Variants in CAMTA1 observed in about 807,000 individuals in gnomAD.
The protein encoded by CAMTA1 is calmodulin-binding transcription activator 1.
In CAMTA1, 27 loss-of-function variants were observed where a neutral mutation model predicts 170.9. That is an observed-to-expected ratio of 0.16 (90% CI 0.12 to 0.22). The LOEUF (loss-of-function observed/expected upper bound fraction) is 0.22. Among genes scored for constraint, CAMTA1 ranks in the 10% least tolerant of loss-of-function variants. The pLI is 1.00. For missense variants in CAMTA1, 1,619 were observed against 2,217.2 expected (o/e 0.73, Z 5.42); for synonymous variants, 833 against 891.5 (o/e 0.93, Z 1.17).
chr1:7,416,958 T>C (rs1380521764), intron 5 of CAMTA1, among the ~76,000 whole-genome samples: 1 of 152,218 alleles, frequency 6.6e-6, no homozygotes, highest in African/African-American at 2.4e-5. Context: ...CCTTTCTGTT[T>C]GTTAGTTTTC....
intron 5 of CAMTA1, among the ~76,000 whole-genome samples, chr1:7,420,992 G>A (rs1390565554): frequency 1.3e-5 from 2 of 152,136 alleles, no homozygotes; most frequent in Non-Finnish European, 2.9e-5. Context: ...GGCCTCCCTG[G>A]GATGAAAGTC....
Position 7,171,845 on chromosome 1 carries a change from T to C in CAMTA1, c.303-77646T>C, listed in dbSNP as rs556312238. 5.3e-5 allele frequency among the ~76,000 whole-genome samples: 8 copies of C among 152,308 alleles called. No individual in the cohort carries two copies. In the South Asian group the frequency reaches 1.7e-3, roughly 32 times the overall value. ...GGATTTGCCTGTTCTGGATGTTTCATAGAAATGGAATCATATAATATGTGA... is the reference window on the plus strand; with the variant it reads ...GGATTTGCCTGTTCTGGATGTTTCACAGAAATGGAATCATATAATATGTGA... On this transcript the variant is annotated intron_variant, in intron 4 of 22. Coordinates refer to ENST00000303635, the MANE Select transcript of CAMTA1 (RefSeq NM_015215.4).
intron 5 of CAMTA1, among the ~76,000 whole-genome samples, chr1:7,262,455 AG>A (rs1472565997): frequency 7.2e-5 from 11 of 152,158 alleles, no homozygotes; most frequent in Non-Finnish European, 1.3e-4. Flanking sequence ...CCAGCTACTC[AG>A]GAGGCTGAGG....
At chr1:7,344,748 C>CTTTTTTT (rs70984076) in intron 5 of CAMTA1, among the ~76,000 whole-genome samples, 1 of 142,592 alleles carries the variant, frequency 7.0e-6, no homozygotes, top group Non-Finnish European at 1.5e-5. Context: ...CTGCTCAAGT[C>CTTTTTTT]TTTTTTTTTT....
At chr1:7,241,138 A>G (rs1216619272) in intron 4 of CAMTA1, among the ~76,000 whole-genome samples, 3 of 152,250 alleles carry the variant, frequency 2.0e-5, no homozygotes, top group Non-Finnish European at 4.4e-5. Context: ...TTGTATTTCT[A>G]TATAGTACAA....
Position 7,065,858 on chromosome 1 carries a change from G to A in CAMTA1, c.235-25446G>A, listed in dbSNP as rs1708892066. 6.6e-6 allele frequency among the ~76,000 whole-genome samples: 1 copy of A among 152,186 alleles called. No homozygotes were observed. The highest frequency in any genetic ancestry group is 1.5e-5 in the Non-Finnish European group (1 of 68,032). On this transcript the variant is annotated intron_variant, in intron 3 of 22. Transcript: ENST00000303635. The surrounding 1 kb of genome is among the most constrained non-coding windows in gnomAD (Gnocchi z 5.2). ...GCATGTTTATCTATTCCCTTACATT[G>A]TGAAAGAGTAAAGCAGTCTTAAGAC... is the stretch of plus-strand genomic sequence containing the variant.
In CAMTA1 at chr1:7,269,685, G is replaced by T. The variant is rs544167186; in HGVS notation, c.438+20059G>T. Among the ~76,000 whole-genome samples, 110 of 152,176 alleles carry T rather than the reference G, an allele frequency of 7.2e-4. 1 individual carries two copies. Among genetic ancestry groups the T allele is most frequent in the Non-Finnish European group, 1.3e-3 (86 of 68,014 alleles). On this transcript the variant is annotated intron_variant, in intron 5 of 22. Transcript: ENST00000303635. ...AAACTGAAGCACTCAGAGAAGAAAGGTAGGGGGAAAAATAATAGAGTGTGG... is the reference window on the plus strand; with the variant it reads ...AAACTGAAGCACTCAGAGAAGAAAGTTAGGGGGAAAAATAATAGAGTGTGG...
At chr1:7,400,103 T>C (rs1399283923) in intron 5 of CAMTA1, among the ~76,000 whole-genome samples, 1 of 152,254 alleles carries the variant, frequency 6.6e-6, no homozygotes, top group African/African-American at 2.4e-5. Context: ...GAAAACCTCA[T>C]AATGAAGATA....
intron 10 of CAMTA1, among the ~76,000 whole-genome samples, chr1:7,676,044 G>A (rs1187020336): frequency 2.0e-5 from 3 of 152,216 alleles, no homozygotes; most frequent in Non-Finnish European, 2.9e-5. Context: ...CAGAGAAGCC[G>A]TGAGTTCTCC....
chr1:7,683,874 G>A (rs114752050), intron 11 of CAMTA1, among the ~76,000 whole-genome samples: 1,680 of 152,344 alleles, frequency 0.011, 32 homozygotes, highest in African/African-American at 0.038. Flanking sequence ...GCAGTGGGTG[G>A]GAGTCGCATC....
intron 6 of CAMTA1, among the ~76,000 whole-genome samples, chr1:7,596,469 G>A (rs945569248): frequency 2.0e-5 from 3 of 152,144 alleles, no homozygotes; most frequent in Non-Finnish European, 2.9e-5. Flanking sequence ...TGTGCTGGCC[G>A]CAGGTGCCCA....
At chr1:7,571,099 A>G (rs1260424037) in intron 6 of CAMTA1, among the ~76,000 whole-genome samples, 1 of 152,228 alleles carries the variant, frequency 6.6e-6, no homozygotes, top group African/African-American at 2.4e-5. Flanking sequence ...TTGGGCTGCT[A>G]TAGCAAAATG....
chr1:6,797,296 A>G (rs938643090), intron 1 of CAMTA1, among the ~76,000 whole-genome samples: 1 of 151,682 alleles, frequency 6.6e-6, no homozygotes, highest in Non-Finnish European at 1.5e-5. Context: ...ACAGGGCTCA[A>G]GTGATCCTCC....
chr1:7,177,971 C>T (rs1651299811), intron 4 of CAMTA1, among the ~76,000 whole-genome samples: 1 of 151,534 alleles, frequency 6.6e-6, no homozygotes. Flanking sequence ...ACACACTGAA[C>T]CCCCTCCCCA....
intron 5 of CAMTA1, among the ~76,000 whole-genome samples, chr1:7,316,879 C>T (rs12129818): frequency 0.24 from 37,167 of 152,026 alleles, 5,119 homozygotes; most frequent in Middle Eastern, 0.43. Flanking sequence ...GTTAGGATTC[C>T]CCCCATACAA....
intron 5 of CAMTA1, among the ~76,000 whole-genome samples, chr1:7,250,645 G>A (rs138951222): frequency 2.6e-4 from 39 of 152,200 alleles, no homozygotes; most frequent in South Asian, 2.5e-3. Flanking sequence ...GACTTTTTCC[G>A]TATAAATCAT....
intron 11 of CAMTA1, among the ~76,000 whole-genome samples, chr1:7,695,781 TTTTTTC>T (rs1213151383): frequency 3.9e-5 from 6 of 152,150 alleles, no homozygotes; most frequent in Non-Finnish European, 7.4e-5. Flanking sequence ...CCCTGGCCAC[TTTTTTC>T]TTTTTCTAAG....
chr1:6,944,290 A>G (rs1687211535), intron 3 of CAMTA1, among the ~76,000 whole-genome samples: 2 of 152,200 alleles, frequency 1.3e-5, no homozygotes, highest in African/African-American at 4.8e-5. Flanking sequence ...CACTTGGGTT[A>G]TTGAGAACTA....
chr1:7,397,754 G>A (rs187837562), intron 5 of CAMTA1, among the ~76,000 whole-genome samples: 6 of 152,026 alleles, frequency 3.9e-5, no homozygotes, highest in South Asian at 2.1e-4. Context: ...ATTCATGGGC[G>A]TGTTGTTTAA....
Sources: allele counts gnomAD v4.1 joint callset (sites outside exome capture counted in the v4.1 genomes callset), GRCh38; gene constraint gnomAD v4.1.1; non-coding constraint Gnocchi (gnomAD v3.1); transcripts MANE v1.5; gene names NCBI Gene and HGNC (gene_info 2026-07-23, HGNC 2026-07-21).